The following CEACAM5 variants were observed in gnomAD, a reference collection of about 807,000 sequenced individuals.
CEACAM5 encodes the protein cell adhesion molecule CEACAM5.
CEACAM5 carries 52 observed loss-of-function variants against 63.0 expected under a neutral mutation model. That is an observed-to-expected ratio of 0.83 (90% confidence interval 0.66 to 1.04). CEACAM5 has a LOEUF of 1.04. Ranked by LOEUF, CEACAM5 falls within the 50% of genes least tolerant of loss-of-function variation. The probability of loss-of-function intolerance (pLI) is 0.00; values close to 1 mark genes in which losing one functional copy is unlikely to be tolerated. For synonymous variants in CEACAM5, 357 were observed against 351.3 expected (o/e 1.02, Z -0.18); for missense variants, 790 against 864.8 (o/e 0.91, Z 1.08).
At chr19:41,710,192 A>C (rs2072414398) in intron 2 of CEACAM5, 153 bp downstream of exon 2, 1 of 1,140,124 alleles carries the variant, frequency 8.8e-7, no homozygotes, top group Non-Finnish European at 1.3e-6. Flanking sequence ...CAGAAGAGAC[A>C]AACTTCAACA....
chr19:41,717,420 C>T (rs1555815231), intron 4 of CEACAM5, 35 bp from the exon 5 acceptor site: 1 of 1,589,962 alleles, frequency 6.3e-7, no homozygotes, highest in African/African-American at 1.3e-5. Context: ...TCACAGGTGC[C>T]ACACAGGGCA....
chr19:41,713,930 A>T (rs1555814428), intron 2 of CEACAM5, among the ~76,000 whole-genome samples: 1 of 152,116 alleles, frequency 6.6e-6, no homozygotes, highest in South Asian at 2.1e-4. Context: ...AAGACCAAAG[A>T]CAGGCCGGGT....
At chr19:41,709,485 G>T (rs1555813482) in intron 1 of CEACAM5, among the ~76,000 whole-genome samples, 195 bp from the exon 2 acceptor site, 1 of 151,840 alleles carries the variant, frequency 6.6e-6, no homozygotes. Context: ...GAAATGCCAA[G>T]GTCAGAGGTG....
chr19:41,723,504 T>C (rs2072656358), intron 8 of CEACAM5, among the ~76,000 whole-genome samples: 1 of 152,204 alleles, frequency 6.6e-6, no homozygotes, highest in Admixed American at 6.5e-5. Flanking sequence ...ATTTATTAAT[T>C]GGGATTTTGG....
chr19:41,725,102 G>T (rs1365390853), intron 8 of CEACAM5, among the ~76,000 whole-genome samples: 1 of 152,160 alleles, frequency 6.6e-6, no homozygotes, highest in African/African-American at 2.4e-5. Context: ...TTCACACATT[G>T]CCTTTATTAT....
chr19:41,712,144 C>T (rs1420048520), intron 2 of CEACAM5, among the ~76,000 whole-genome samples: 2 of 152,230 alleles, frequency 1.3e-5, no homozygotes, highest in African/African-American at 4.8e-5. Context: ...CCCCAAAGCC[C>T]GCATGCTTAT....
rs201034775 is a variant in CEACAM5, at chr19:41,715,902, A to C, written c.956A>C (p.Tyr319Ser). Residue 319 changes from tyrosine to serine, a missense_variant and splice_region_variant, in exon 4 of 10, where the codon TAT becomes TCT. Transcript: ENST00000221992. Reference sequence around the variant, plus strand: ...ACCACAGTCACGACGATCACAGTCTATGGTAAGTGGATCCACGAAGCACTG... The same window carrying C: ...ACCACAGTCACGACGATCACAGTCTCTGGTAAGTGGATCCACGAAGCACTG... Reference protein sequence around the residue: ...NRTTVTTITVYAEPPKPFITS... With the variant: ...NRTTVTTITVSAEPPKPFITS... The C allele has an allele frequency of 6.2e-7, 1 of 1,612,490 alleles. No homozygotes were observed. Among genetic ancestry groups the C allele is most frequent in the African/African-American group, 1.3e-5 (1 of 75,016 alleles).
intron 9 of CEACAM5, 101 bp from the exon 10 acceptor site, chr19:41,729,083 G>A (rs2072739153): frequency 6.6e-6 from 1 of 152,160 alleles, no homozygotes; most frequent in African/African-American, 2.4e-5. Flanking sequence ...AATGTCATAT[G>A]CCACAGAAGT....
intron 1 of CEACAM5, 94 bp downstream of exon 1, chr19:41,708,889 G>A: frequency 1.2e-6 from 1 of 866,554 alleles, no homozygotes; most frequent in Non-Finnish European, 1.8e-6. Context: ...GCTCCTGTTG[G>A]AGCCTGAATA....
rs201439960 is a variant in CEACAM5, at chr19:41,721,188, C to T, written c.2026+12C>T. On this transcript the variant is annotated intron_variant, in intron 8 of 9. Transcript: ENST00000221992. ...CATCACAGTCTCTGGTAAGTGGCTC[C>T]CTGGAGCATCAGCATCATATTCTGG... is the stretch of plus-strand genomic sequence containing the variant. 11 of 1,613,836 alleles carry T rather than the reference C, an allele frequency of 6.8e-6. No individual in the cohort carries two copies. The highest frequency in any genetic ancestry group is 1.7e-4 in the Middle Eastern group (1 of 6,060).
At chr19:41,715,385 G>T in intron 3 of CEACAM5, 136 bp downstream of exon 3, 1 of 1,402,628 alleles carries the variant, frequency 7.1e-7, no homozygotes. Context: ...GTGACTTTCT[G>T]CCCCAGAAAA....
chr19:41,714,992 T>C lies in CEACAM5; in HGVS notation c.446T>C (p.Ile149Thr), dbSNP rs916790457. The stretch of plus-strand genomic sequence containing the variant: ...ACAGCGGAGCTGCCCAAGCCCTCCA[T>C]CTCCAGCAACAACTCCAAACCCGTG... ...RVYPELPKPS[I>T]SSNNSKPVED... The change falls in exon 3 of 10, where the codon ATC becomes ACC. Residue 149 changes from isoleucine to threonine, a missense_variant. Physicochemically the swap from Ile to Thr is moderately conservative, Grantham distance 89 (BLOSUM62 -1). Transcript: ENST00000221992. 2 of 1,614,126 alleles carry C rather than the reference T, an allele frequency of 1.2e-6. No homozygotes were observed. Among genetic ancestry groups the C allele is most frequent in the East Asian group, 4.5e-5 (2 of 44,876 alleles).
chr19:41,710,072 G>A (rs2072412103), intron 2 of CEACAM5, 33 bp downstream of exon 2: 3 of 1,578,042 alleles, frequency 1.9e-6, no homozygotes, highest in East Asian at 4.5e-5. Flanking sequence ...CTGGGTGTTG[G>A]GGGTCAGTTC....
At chr19:41,709,215 T>G (rs1750030158) in intron 1 of CEACAM5, among the ~76,000 whole-genome samples, 1 of 152,012 alleles carries the variant, frequency 6.6e-6, no homozygotes, top group Non-Finnish European at 1.5e-5. Context: ...GCAACCAAGA[T>G]CACACAAATC....
At position 41,715,740 on chromosome 19, in the gene CEACAM5, C is replaced by A; in HGVS notation, c.794C>A (p.Pro265Gln). ...CTCTCCTGCCACGCAGCCTCTAACC[C>A]ACCTGCACAGTACTCTTGGTTTGTC... Reference protein sequence around the residue: ...LNLSCHAASNPPAQYSWFVNG... With the variant: ...LNLSCHAASNQPAQYSWFVNG... Residue 265 changes from proline (P) to glutamine (Q), a missense_variant, in exon 4 of 10, where the codon CCA becomes CAA. By Grantham distance (76) the Pro-to-Gln change is moderately conservative (BLOSUM62 -1). Transcript: ENST00000221992. 1 of 1,614,200 alleles carries A rather than the reference C, an allele frequency of 6.2e-7. No homozygotes were observed. The highest frequency in any genetic ancestry group is 8.5e-7 in the Non-Finnish European group (1 of 1,180,032).
At chr19:41,728,655 C>T (rs1216767571) in intron 9 of CEACAM5, among the ~76,000 whole-genome samples, 1 of 152,076 alleles carries the variant, frequency 6.6e-6, no homozygotes, top group Admixed American at 6.5e-5. Context: ...GGCATGGTGG[C>T]ACGTGCCTGT....
intron 7 of CEACAM5, 117 bp from the exon 8 acceptor site, chr19:41,720,805 G>C: frequency 7.3e-7 from 1 of 1,376,818 alleles, no homozygotes; most frequent in Non-Finnish European, 1.0e-6. Context: ...CGGCCGATTT[G>C]GACTTTTTAA....
chr19:41,717,082 T>C (rs11083637), intron 4 of CEACAM5, among the ~76,000 whole-genome samples: 45,173 of 152,202 alleles, frequency 0.3, 6,807 homozygotes, highest in South Asian at 0.37. Context: ...GGTGTGGGAC[T>C]GTGCAGCTGG....
At chr19:41,713,318 G>GAAAGA (rs1196342958) in intron 2 of CEACAM5, among the ~76,000 whole-genome samples, 1 of 151,458 alleles carries the variant, frequency 6.6e-6, no homozygotes, top group African/African-American at 2.4e-5. Context: ...AAAAGAAAAA[G>GAAAGA]AAAGAAAAGA....
Sources: gnomAD v4.1 joint callset for allele counts (sites outside exome capture counted in the v4.1 genomes callset) on GRCh38, gnomAD v4.1.1 for gene constraint, MANE v1.5 for transcripts, NCBI Gene and HGNC (gene_info 2026-07-23, HGNC 2026-07-21) for gene names.